The following HAUS8 variants were observed in gnomAD, a reference collection of about 807,000 sequenced individuals.
The protein encoded by HAUS8 is HAUS augmin-like complex subunit 8.
In HAUS8, 38 loss-of-function variants were observed where a neutral mutation model predicts 42.9. The observed-to-expected ratio is 0.89, with a 90% confidence interval of 0.68 to 1.16. The LOEUF is 1.16. HAUS8 is among the 50% of genes most tolerant of loss of function. The probability of loss-of-function intolerance (pLI) is 0.00; values close to 1 mark genes in which losing one functional copy is unlikely to be tolerated. For missense variants in HAUS8, 494 were observed against 511.6 expected, an observed-to-expected ratio of 0.97 and a Z score of 0.33; for synonymous variants, 199 against 205.8, an observed-to-expected ratio of 0.97 and a Z score of 0.28.
intron 1 of HAUS8, chr19:17,074,324 G>C (rs975944699): frequency 6.6e-6 from 1 of 152,470 alleles, no homozygotes; most frequent in Admixed American, 6.5e-5. Context: ...TCTGAAGCAG[G>C]CTCCCAGGAC....
intron 4 of HAUS8, 150 bp downstream of exon 4, chr19:17,062,548 T>A: frequency 1.6e-6 from 1 of 625,872 alleles, no homozygotes. Context: ...CCTCCCCACA[T>A]CCCCCCAGTC....
rs145702640 is a variant in HAUS8 at position 17,062,754 on chromosome 19, G to A, written c.173C>T (p.Thr58Ile). The A allele has an allele frequency of 8.7e-6, 14 of 1,614,030 alleles. No individual in the cohort carries two copies. In the African/African-American group the frequency reaches 1.9e-4, roughly 22 times the overall value. Residue 58 changes from threonine to isoleucine, a missense_variant, in exon 4 of 11, where the codon ACC (threonine) becomes ATC (isoleucine). Coordinates refer to ENST00000253669, the MANE Select transcript of HAUS8 (RefSeq NM_033417.2). ...TCCACCTTCAGACATCTTCCCTCGGGTCTGTGACCCATCTCCTGCAGGAGC... is the reference window on the plus strand; with the variant it reads ...TCCACCTTCAGACATCTTCCCTCGGATCTGTGACCCATCTCCTGCAGGAGC... ...QKAPAGDGSQ[T>I]RGKMSEGGRK...
chr19:17,056,298 A>G (rs550465258), intron 8 of HAUS8, among the ~76,000 whole-genome samples: 8 of 152,302 alleles, frequency 5.3e-5, no homozygotes, highest in African/African-American at 1.9e-4. Context: ...GCCTTCCACA[A>G]GGCCATCCCC....
In HAUS8 at chr19:17,069,053, T is replaced by C. The variant is rs901649472; in HGVS notation, c.125A>G (p.Tyr42Cys). ...GRVIESRYLQ[Y>C]EKKTTQKAPA... is the part of the protein sequence containing the mutation. ...TACCTTTTGGGTTGTCTTCTTTTCA[T>C]ACTGCAGATACCGGGACTCAATCAC... Residue 42 changes from tyrosine to cysteine, a missense_variant, in exon 3 of 11, where the codon TAT (tyrosine) becomes TGT (cysteine). By Grantham distance (194) the Tyr-to-Cys change is radical. Coordinates refer to ENST00000253669, the MANE Select transcript of HAUS8 (RefSeq NM_033417.2). 5.6e-6 allele frequency: 9 copies of C among 1,613,376 alleles called. No homozygotes were observed. The highest frequency in any genetic ancestry group is 4.4e-5 in the South Asian group (4 of 90,904).
intron 9 of HAUS8, chr19:17,053,225 C>G: frequency 1.9e-6 from 1 of 515,250 alleles, no homozygotes; most frequent in South Asian, 2.2e-5. Context: ...GTGTCCTCAA[C>G]AGAAACCAAT....
At chr19:17,059,468 C>T in intron 6 of HAUS8, 89 bp downstream of exon 6, 1 of 851,538 alleles carries the variant, frequency 1.2e-6, no homozygotes, top group Admixed American at 2.2e-5. Flanking sequence ...GTTCTTGGAT[C>T]CGTGGGCACT....
chr19:17,069,130 C>T (rs762445075), intron 2 of HAUS8, 44 bp from the exon 3 acceptor site: 27 of 1,571,658 alleles, frequency 1.7e-5, no homozygotes, highest in South Asian at 1.4e-4. Flanking sequence ...TACAAAGGAC[C>T]GAAGACCCCA....
At chr19:17,072,236 T>C (rs557605796) in intron 2 of HAUS8, among the ~76,000 whole-genome samples, 1 of 152,154 alleles carries the variant, frequency 6.6e-6, no homozygotes, top group Admixed American at 6.5e-5. Context: ...CTCGCTGAAT[T>C]GGGCCCTGCG....
intron 2 of HAUS8, 74 bp downstream of exon 2, chr19:17,073,200 T>C (rs2057439055): frequency 7.3e-7 from 1 of 1,376,542 alleles, no homozygotes. Context: ...CTCTGGCCTG[T>C]TTTTTTCTTC....
chr19:17,063,393 A>C (rs925316023), intron 3 of HAUS8, among the ~76,000 whole-genome samples: 11 of 152,226 alleles, frequency 7.2e-5, no homozygotes, highest in Admixed American at 6.5e-4. Flanking sequence ...CTCTCATTCA[A>C]TATCACAGTG....
upstream of HAUS8, chr19:17,075,455 C>A: frequency 6.2e-7 from 1 of 1,612,958 alleles, no homozygotes; most frequent in Non-Finnish European, 8.5e-7. Flanking sequence ...CCCGACCCGC[C>A]GGCTTTTCAA....
intron 10 of HAUS8, 100 bp downstream of exon 10, chr19:17,052,725 T>C (rs2057295047): frequency 7.5e-7 from 1 of 1,335,150 alleles, no homozygotes; most frequent in South Asian, 1.3e-5. Flanking sequence ...GAACCTCCTC[T>C]GAACTCCTAG....
intron 4 of HAUS8, among the ~76,000 whole-genome samples, chr19:17,060,668 A>T (rs2057354909): frequency 6.6e-6 from 1 of 152,186 alleles, no homozygotes; most frequent in African/African-American, 2.4e-5. Flanking sequence ...TCGGCCTCCC[A>T]AAGTGTTGGG....
intron 9 of HAUS8, chr19:17,053,744 C>T (rs8111304): frequency 0.31 from 45,847 of 150,216 alleles, 7,341 homozygotes; most frequent in African/African-American, 0.38. Context: ...CTCACTGCAA[C>T]GTCCACTTTC....
At chr19:17,055,526 G>T (rs2123363168) in intron 9 of HAUS8, among the ~76,000 whole-genome samples, 1 of 152,074 alleles carries the variant, frequency 6.6e-6, no homozygotes, top group South Asian at 2.1e-4. Context: ...TCTGCTGAGG[G>T]GGAAAGCCGG....
At chr19:17,053,242 G>A (rs527317935) in intron 9 of HAUS8, 185 of 473,778 alleles carry the variant, frequency 3.9e-4, no homozygotes, top group African/African-American at 3.4e-3. Flanking sequence ...CAATGCAAAT[G>A]TGAAAAGGGC....
At chr19:17,068,145 G>A (rs111986055) in intron 3 of HAUS8, among the ~76,000 whole-genome samples, 15,978 of 128,488 alleles carry the variant, frequency 0.12, 1,062 homozygotes, top group Middle Eastern at 0.15. Flanking sequence ...TCAGGGTCTC[G>A]CTCTGTCGCC....
chr19:17,062,813 G>A, intron 3 of HAUS8, 34 bp from the exon 4 acceptor site: 1 of 1,522,426 alleles, frequency 6.6e-7, no homozygotes, highest in Admixed American at 1.7e-5. Context: ...CAGAGGACAA[G>A]ACATCCTCCC....
At chr19:17,067,204 C>CCATCTCAA (rs2057392101) in intron 3 of HAUS8, among the ~76,000 whole-genome samples, 1 of 124,434 alleles carries the variant, frequency 8.0e-6, no homozygotes, top group African/African-American at 3.1e-5. Context: ...GACTCCATCT[C>CCATCTCAA]AAAAAAAAAA....
Sources: gnomAD v4.1 joint callset for allele counts (sites outside exome capture counted in the v4.1 genomes callset) on GRCh38, gnomAD v4.1.1 for gene constraint, MANE v1.5 for transcripts, NCBI Gene and HGNC (gene_info 2026-07-23, HGNC 2026-07-21) for gene names.